The following CEP72 variants were observed in gnomAD, a reference collection of about 807,000 sequenced individuals.
CEP72 encodes centrosomal protein 72.
Under a neutral mutation model 65.7 loss-of-function variants are expected in CEP72, and 78 were observed. That is an observed-to-expected ratio of 1.19 (90% CI 0.99 to 1.43). The LOEUF (loss-of-function observed/expected upper bound fraction) is 1.43, where lower values mean the gene tolerates loss of function less well. CEP72 is among the 40% of genes most tolerant of loss of function. The pLI is 0.00. For synonymous variants in CEP72, 358 were observed against 351.7 expected (o/e 1.02, Z -0.20); for missense variants, 914 against 832.9 (o/e 1.10, Z -1.20).
chr5:672,384 T>C, the CEP72 span, among the ~76,000 whole-genome samples: 1 of 152,328 alleles, frequency 6.6e-6, no homozygotes, highest in Admixed American at 6.5e-5. Context: ...CAGGTGTCTA[T>C]AGGAAACGTC....
Position 618,547 on chromosome 5 carries a change from C to T in CEP72, c.83-443C>T, listed in dbSNP as rs938084973. Among the ~76,000 whole-genome samples the T allele has an allele frequency of 4.6e-5, 7 of 152,122 alleles. No individual in the cohort carries two copies. In the East Asian group the frequency reaches 9.6e-4, roughly 21 times the overall value. On this transcript the variant is annotated intron_variant, in intron 1 of 11. Coordinates refer to ENST00000264935, the MANE Select transcript of CEP72 (RefSeq NM_018140.4). ...CATTGAGGTGGGCCTGGGGCCACTG[C>T]GCTGGGATTTTGCAGTGGGGGAGAG...
At chr5:635,153 C>T (rs1737500080) in intron 5 of CEP72, among the ~76,000 whole-genome samples, 1 of 152,188 alleles carries the variant, frequency 6.6e-6, no homozygotes, top group Non-Finnish European at 1.5e-5. Flanking sequence ...ATTCTTGCAG[C>T]CTTGTCCTGA....
intron 4 of CEP72, among the ~76,000 whole-genome samples, chr5:625,978 G>A (rs530804970): frequency 2.6e-5 from 4 of 151,762 alleles, no homozygotes; most frequent in African/African-American, 9.7e-5. Context: ...TCTGTAAGTC[G>A]CTGTTTCCAA....
At chr5:654,217 C>T (rs559289120), downstream of CEP72, among the ~76,000 whole-genome samples, 26 of 137,674 alleles carry the variant, frequency 1.9e-4, no homozygotes, top group East Asian at 2.0e-3. Context: ...GCTGTGTGTG[C>T]GCTTGCTGTG....
At chr5:634,291 G>A (rs545944432) in intron 5 of CEP72, among the ~76,000 whole-genome samples, 94 of 152,328 alleles carry the variant, frequency 6.2e-4, no homozygotes, top group South Asian at 1.7e-3. Context: ...CATAGTCACC[G>A]AACTTGCAGG....
At chr5:650,073 G>C (rs1738874706) in intron 11 of CEP72, among the ~76,000 whole-genome samples, 1 of 28,890 alleles carries the variant, frequency 3.5e-5, no homozygotes, top group Non-Finnish European at 8.1e-5. Context: ...TGTGAGGTGT[G>C]ACTGTGAGGC....
At chr5:649,647 T>G (rs867815803) in intron 11 of CEP72, among the ~76,000 whole-genome samples, 4 of 25,396 alleles carry the variant, frequency 1.6e-4, no homozygotes, top group Admixed American at 1.1e-3. Context: ...GACTGTGAGG[T>G]GTGACTGTGA....
At chr5:633,282 C>G (rs1410017206) in intron 4 of CEP72, among the ~76,000 whole-genome samples, 2 of 111,744 alleles carry the variant, frequency 1.8e-5, no homozygotes, top group East Asian at 5.0e-4. Flanking sequence ...GGGATTTAGA[C>G]CAGTCCTGGT....
chr5:649,652 CTG>C lies in CEP72; in HGVS notation c.1778+1739_1778+1740del, dbSNP rs1286690439. Among the ~76,000 whole-genome samples the C allele has an allele frequency of 2.4e-3, 203 of 83,952 alleles. 4 individuals are homozygous for C. Among genetic ancestry groups the C allele is most frequent in the Non-Finnish European group, 3.6e-3 (153 of 42,342 alleles). The allele number at this position is 83,952 out of a possible 152,430, so 55.1% of individuals were successfully genotyped here. ...TGTGAGGTGTGACTGTGAGGTGTGA[CTG>C]TGAGGTGTGCCTGTGAGGCGTGGAC... On this transcript the variant is annotated intron_variant, in intron 11 of 11. Coordinates refer to ENST00000264935, the MANE Select transcript of CEP72 (RefSeq NM_018140.4).
rs1487105356 is a variant in CEP72, at chr5:624,954, C to T, written c.512+375C>T. Among the ~76,000 whole-genome samples the T allele has an allele frequency of 6.6e-6, 1 of 152,176 alleles. No homozygotes were observed. The highest frequency in any genetic ancestry group is 2.4e-5 in the African/African-American group (1 of 41,428). ...CATCCAGCCAAATCCCACTTCTGGC[C>T]GTGAGCACATTCAGCAGGACCCGTC... On this transcript the variant is annotated intron_variant, in intron 4 of 11. Transcript: ENST00000264935. This position sits in a 1 kb window ranked among gnomAD's most constrained non-coding sequence, Gnocchi z 4.7.
At chr5:643,482 T>A in intron 9 of CEP72, 1 of 985,268 alleles carries the variant, frequency 1.0e-6, no homozygotes, top group Non-Finnish European at 1.2e-6. Flanking sequence ...GGCGGGTGCA[T>A]GCATGCTGAG....
At chr5:640,347 T>A in intron 8 of CEP72, 61 bp from the exon 9 acceptor site, 1 of 1,565,564 alleles carries the variant, frequency 6.4e-7, no homozygotes, top group Non-Finnish European at 8.7e-7. Flanking sequence ...CTGAGCCGAT[T>A]TTGTTTACAT....
At chr5:649,542 T>C (rs1188128546) in intron 11 of CEP72, among the ~76,000 whole-genome samples, 4 of 58,910 alleles carry the variant, frequency 6.8e-5, no homozygotes, top group African/African-American at 6.9e-5. Flanking sequence ...GACTGTGAGG[T>C]GTGACTGTGA....
intron 1 of CEP72, among the ~76,000 whole-genome samples, chr5:617,158 C>T (rs1736047998): frequency 6.6e-6 from 1 of 152,118 alleles, no homozygotes; most frequent in Non-Finnish European, 1.5e-5. Context: ...AGTAAATAAG[C>T]ATAAACAAAA....
exon 5 of CEP72, chr5:667,054 T>G (rs1223100303): frequency 6.7e-6 from 1 of 149,658 alleles, no homozygotes; most frequent in African/African-American, 2.6e-5. Context: ...TGACCAAGAG[T>G]CAGGGGACAA....
At chr5:646,302 C>T (rs746396208) in intron 10 of CEP72, among the ~76,000 whole-genome samples, 4 of 152,182 alleles carry the variant, frequency 2.6e-5, no homozygotes, top group East Asian at 1.9e-4. Context: ...TTATGACTTA[C>T]GTTGTTTTTT....
chr5:625,097 G>A (rs1193000540), intron 4 of CEP72, among the ~76,000 whole-genome samples: 1 of 152,176 alleles, frequency 6.6e-6, no homozygotes, highest in Non-Finnish European at 1.5e-5. Context: ...GAGACCGTGG[G>A]CGTGTGTGTG....
chr5:671,434 T>C (rs1740220303), downstream of CEP72, among the ~76,000 whole-genome samples: 4 of 152,286 alleles, frequency 2.6e-5, no homozygotes, highest in East Asian at 7.7e-4. Flanking sequence ...GGCAGGGCTT[T>C]GGTCTGTGCA....
At chr5:616,015 C>A (rs1449843689) in intron 1 of CEP72, among the ~76,000 whole-genome samples, 1 of 152,168 alleles carries the variant, frequency 6.6e-6, no homozygotes, top group Admixed American at 6.5e-5. Context: ...ACCTTGAGAA[C>A]CGTATTAATA....
Sources: allele counts gnomAD v4.1 joint callset (sites outside exome capture counted in the v4.1 genomes callset), GRCh38; gene constraint gnomAD v4.1.1; non-coding constraint Gnocchi (gnomAD v3.1); transcripts MANE v1.5; gene names NCBI Gene and HGNC (gene_info 2026-07-23, HGNC 2026-07-21).